C4orf46: variants seen among roughly 807,000 people sequenced by gnomAD.
The protein encoded by C4orf46 is renal cancer differentiation gene 1 protein.
A neutral mutation model predicts 9.1 loss-of-function variants in C4orf46; 8 were observed. The observed-to-expected ratio is 0.88, with a 90% CI of 0.52 to 1.59. C4orf46 has a LOEUF of 1.59. Among genes scored for constraint, C4orf46 ranks in the 40% most tolerant of loss-of-function variants. C4orf46 has a pLI of 0.00. For synonymous variants in C4orf46, 51 were observed against 58.8 expected (o/e 0.87, Z 0.61); for missense variants, 151 against 139.1 (o/e 1.09, Z -0.43).
intron 1 of C4orf46, among the ~76,000 whole-genome samples, chr4:158,670,968 T>C (rs980676811): frequency 1.3e-5 from 2 of 152,164 alleles, no homozygotes; most frequent in South Asian, 2.1e-4. Flanking sequence ...ACAGAAACTA[T>C]CCTAAGTATG....
In C4orf46 at chr4:158,671,872, C is replaced by T; in HGVS notation, c.-71G>A. On this transcript the variant is annotated 5_prime_UTR_variant, in exon 1 of 2. Transcript: ENST00000379205. ...ACACCAACTGTCTTTTAACCACTCG[C>T]GCCCAAAGCCGAAAGGCCCCGCCTC... 1 of 1,305,288 alleles carries T rather than the reference C, an allele frequency of 7.7e-7. No homozygotes were observed. Among genetic ancestry groups the T allele is most frequent in the Non-Finnish European group, 1.0e-6 (1 of 980,384 alleles). The allele number at this position is 1,305,288 out of a possible 1,614,324, so 80.9% of individuals were successfully genotyped here.
upstream of C4orf46, chr4:158,672,017 T>C (rs1773576074): frequency 5.4e-6 from 3 of 556,508 alleles, no homozygotes. Context: ...TCACGGCTCC[T>C]GCGCGAGCCT....
upstream of C4orf46, chr4:158,671,940 C>T (rs1220849630): frequency 3.0e-6 from 2 of 667,088 alleles, no homozygotes; most frequent in African/African-American, 1.9e-5. Context: ...GGGTCTCAGC[C>T]CCGGACCACA....
At chr4:158,670,234 G>A (rs1020146172) in intron 1 of C4orf46, among the ~76,000 whole-genome samples, 2 of 151,786 alleles carry the variant, frequency 1.3e-5, no homozygotes, top group African/African-American at 2.4e-5. Context: ...TGTTGGTCAC[G>A]CTGGTCTCGA....
chr4:158,671,703 G>A lies in C4orf46; in HGVS notation c.99C>T (p.Gly33=). The A allele has an allele frequency of 6.2e-7, 1 of 1,610,458 alleles. No individual in the cohort carries two copies. The highest frequency in any genetic ancestry group is 8.5e-7 in the Non-Finnish European group (1 of 1,178,458). ...GAACTGGCCAGCCCAAACTCACTGG[G>A]CCGCCCGGGGAAGATGCTGCAGAGG... ...SDASAASSPG[G]PVSLGWPVPS... Residue 33 remains glycine (G), a synonymous_variant, in exon 1 of 2, where the codon GGC becomes GGT. Transcript: ENST00000379205.
At position 158,668,767 on chromosome 4, in the gene C4orf46, C is replaced by G. The variant is rs1411773873; in HGVS notation, c.*846G>C. 3 of 152,124 alleles carry G rather than the reference C, an allele frequency of 2.0e-5. No individual in the cohort carries two copies. Among genetic ancestry groups the G allele is most frequent in the Non-Finnish European group, 4.4e-5 (3 of 68,018 alleles). The allele number at this position is 152,124 out of a possible 1,614,324, so 9.4% of individuals were successfully genotyped here. ...GATAAGGCACTTTAAAGATAGCAAT[C>G]AAACATATACAAATATCAAATACAA... On this transcript the variant is annotated 3_prime_UTR_variant, in exon 2 of 2. Coordinates refer to ENST00000379205, the MANE Select transcript of C4orf46 (RefSeq NM_001008393.4).
intron 1 of C4orf46, among the ~76,000 whole-genome samples, chr4:158,670,059 C>T (rs895290158): frequency 3.6e-5 from 2 of 55,650 alleles, no homozygotes; most frequent in East Asian, 6.6e-4. Flanking sequence ...GAGTTTCGCT[C>T]GTTTCCCAGG....
chr4:158,669,491 T>A lies in C4orf46; in HGVS notation c.*122A>T, dbSNP rs1339636295. On this transcript the variant is annotated 3_prime_UTR_variant, in exon 2 of 2. Transcript: ENST00000379205. ...AAAACCAAGAAAACCAAGAAAAATT[T>A]CATTCTGAGTATATACAGAACTGCT... is the stretch of plus-strand genomic sequence containing the variant. 17 of 934,826 alleles carry A rather than the reference T, an allele frequency of 1.8e-5. No individual in the cohort carries two copies. The highest frequency in any genetic ancestry group is 3.7e-4 in the Middle Eastern group (1 of 2,712). The allele number at this position is 934,826 out of a possible 1,614,324, so 57.9% of individuals were successfully genotyped here. A position where few individuals can be genotyped will look rare whatever the true frequency, so the allele number is the denominator to read the frequency against.
At chr4:158,670,013 T>C (rs1478706631) in intron 1 of C4orf46, among the ~76,000 whole-genome samples, 1 of 131,080 alleles carries the variant, frequency 7.6e-6, no homozygotes, top group Admixed American at 8.3e-5. Flanking sequence ...CAAATCAGTA[T>C]AGTTGTTTTC....
chr4:158,670,749 G>C (rs1302102319), intron 1 of C4orf46, among the ~76,000 whole-genome samples: 1 of 152,048 alleles, frequency 6.6e-6, no homozygotes, highest in Non-Finnish European at 1.5e-5. Flanking sequence ...AATACTTGCG[G>C]AGCAATGAGA....
rs985025327 is a variant in C4orf46, at chr4:158,669,094, T to C, written c.*519A>G. 1 of 152,262 alleles carries C rather than the reference T, an allele frequency of 6.6e-6. No individual in the cohort carries two copies. Among genetic ancestry groups the C allele is most frequent in the African/African-American group, 2.4e-5 (1 of 41,470 alleles). 9.4% of individuals were successfully genotyped at this position (152,262 alleles called of 1,614,324 possible). ...CAATTATGTTTGTTAACTCTTTTAT[T>C]CAACAAACATTTAGTGAATGTTGTG... On this transcript the variant is annotated 3_prime_UTR_variant, in exon 2 of 2. Transcript: ENST00000379205.
rs773889283 is a variant in C4orf46, at chr4:158,669,807, TTCTCA to T, written c.187-44_187-40del. Reference sequence around the variant, plus strand: ...GTCAAACATAATTTTATTTTTAAAATTCTCATCTCATTTTATAAGCAGGCTGAAAA... The same window carrying T: ...GTCAAACATAATTTTATTTTTAAAATTCTCATTTTATAAGCAGGCTGAAAA... On this transcript the variant is annotated intron_variant, in intron 1 of 1. Coordinates refer to ENST00000379205, the MANE Select transcript of C4orf46 (RefSeq NM_001008393.4). 30 of 1,523,590 alleles carry T rather than the reference TTCTCA, an allele frequency of 2.0e-5. No homozygotes were observed. The Middle Eastern group carries it at 5.2e-4, about 26-fold the overall frequency. 94.4% of individuals were successfully genotyped at this position (1,523,590 alleles called of 1,614,324 possible). A position where few individuals can be genotyped will look rare whatever the true frequency, so the allele number is the denominator to read the frequency against.
In C4orf46 at chr4:158,669,695, T is replaced by G. The variant is rs747561747; in HGVS notation, c.260A>C (p.Lys87Thr). ...VSAQVEELAF[K>T]CTENARFLKT... is the part of the protein sequence containing the mutation. ...AAGGAAACGTGCATTTTCTGTACAT[T>G]TGAAGGCAAGTTCTTCCACTTGAGC... Residue 87 changes from lysine to threonine, a missense_variant, in exon 2 of 2, where the codon AAA (lysine) becomes ACA (threonine). Physicochemically the swap from Lys to Thr is moderately conservative, Grantham distance 78. Coordinates refer to ENST00000379205, the MANE Select transcript of C4orf46 (RefSeq NM_001008393.4). The G allele has an allele frequency of 6.2e-7, 1 of 1,613,830 alleles. No individual in the cohort carries two copies. The highest frequency in any genetic ancestry group is 8.5e-7 in the Non-Finnish European group (1 of 1,179,890).
chr4:158,672,018 G>C (rs1773576154), upstream of C4orf46: 3 of 556,318 alleles, frequency 5.4e-6, no homozygotes, highest in East Asian at 8.7e-5. Context: ...CACGGCTCCT[G>C]CGCGAGCCTC....
rs773359219 is a variant in C4orf46 at position 158,671,786 on chromosome 4, C to T, written c.16G>A (p.Glu6Lys). ...GGGGGCGGCGAAGAAACCTGCAACT[C>T]CTCAGGGTCGGCCATGGGGAAGGGT... MADPE[E>K]LQVSSPPPPP... The change falls in exon 1 of 2, where the codon GAG becomes AAG. Residue 6 changes from glutamate to lysine, a missense_variant. Glu to Lys is a moderately conservative substitution (Grantham distance 56). Transcript: ENST00000379205. 6.5e-7 allele frequency: 1 copy of T among 1,545,458 alleles called. No individual in the cohort carries two copies. Among genetic ancestry groups the T allele is most frequent in the Non-Finnish European group, 8.7e-7 (1 of 1,144,310 alleles).
chr4:158,671,707 C>T lies in C4orf46; in HGVS notation c.95G>A (p.Gly32Asp). The T allele has an allele frequency of 1.2e-6, 2 of 1,609,736 alleles. No individual in the cohort carries two copies. Among genetic ancestry groups the T allele is most frequent in the Non-Finnish European group, 1.7e-6 (2 of 1,178,208 alleles). Residue 32 changes from glycine to aspartate, a missense_variant, in exon 1 of 2, where the codon GGC becomes GAC. Transcript: ENST00000379205. ...SSDASAASSP[G>D]GPVSLGWPVP... ...TGGCCAGCCCAAACTCACTGGGCCG[C>T]CCGGGGAAGATGCTGCAGAGGCGTC... is the stretch of plus-strand genomic sequence containing the variant.
At chr4:158,670,812 A>C (rs1030980524) in intron 1 of C4orf46, among the ~76,000 whole-genome samples, 1 of 151,568 alleles carries the variant, frequency 6.6e-6, no homozygotes, top group African/African-American at 2.4e-5. Context: ...AGGCCACAGA[A>C]CTCTCCCAGG....
At position 158,669,690 on chromosome 4, in the gene C4orf46, T is replaced by C. The variant is rs1022643681; in HGVS notation, c.265A>G (p.Thr89Ala). Residue 89 changes from threonine (T) to alanine (A), a missense_variant, in exon 2 of 2, where the codon ACA becomes GCA. Physicochemically the swap from Thr to Ala is moderately conservative, Grantham distance 58 (BLOSUM62 0). Transcript: ENST00000379205. ...AQVEELAFKC[T>A]ENARFLKTWR... is the part of the protein sequence containing the mutation. Reference sequence around the variant, plus strand: ...GTTTTAAGGAAACGTGCATTTTCTGTACATTTGAAGGCAAGTTCTTCCACT... The same window carrying C: ...GTTTTAAGGAAACGTGCATTTTCTGCACATTTGAAGGCAAGTTCTTCCACT... The C allele has an allele frequency of 5.6e-6, 9 of 1,612,316 alleles. No individual in the cohort carries two copies. Among genetic ancestry groups the C allele is most frequent in the Non-Finnish European group, 7.6e-6 (9 of 1,179,882 alleles).
intron 1 of C4orf46, among the ~76,000 whole-genome samples, chr4:158,671,343 A>C (rs1010909609): frequency 2.6e-5 from 4 of 152,226 alleles, no homozygotes; most frequent in Non-Finnish European, 5.9e-5. Context: ...CCAGAAGGCG[A>C]GACAAAAAGA....
Sources: gnomAD v4.1 joint callset for allele counts (sites outside exome capture counted in the v4.1 genomes callset) on GRCh38, gnomAD v4.1.1 for gene constraint, MANE v1.5 for transcripts, NCBI Gene and HGNC (gene_info 2026-07-23, HGNC 2026-07-21) for gene names.